Variants in SCLY observed in about 807,000 individuals in gnomAD.
SCLY encodes selenocysteine lyase.
SCLY carries 38 observed loss-of-function variants against 50.1 expected under a neutral mutation model. The ratio of observed to expected loss-of-function variants is 0.76; its 90% CI spans 0.59 to 0.99. SCLY has a LOEUF of 0.99. Among genes scored for constraint, SCLY ranks in the 50% least tolerant of loss-of-function variants. SCLY has a pLI of 0.00. For missense variants in SCLY, 600 were observed against 620.0 expected, an observed-to-expected ratio of 0.97 and a Z score of 0.34; for synonymous variants, 243 against 249.4, an observed-to-expected ratio of 0.97 and a Z score of 0.24.
chr2:238,074,043 A>T (rs2065150533), intron 4 of SCLY, among the ~76,000 whole-genome samples: 2 of 152,104 alleles, frequency 1.3e-5, no homozygotes, highest in Admixed American at 6.6e-5. Context: ...GGTGTCTCAC[A>T]TCTGTAATCC....
Position 238,083,381 on chromosome 2 carries a change from T to G in SCLY, c.884+27T>G. ...TAAGGCAGAAAGTTAACAAAGTCTC[T>G]GACCTACTGACCGTGTCATTTGTAG... On this transcript the variant is annotated intron_variant, in intron 7 of 11. Transcript: ENST00000254663. The surrounding 1 kb of genome is among the most constrained non-coding windows in gnomAD (Gnocchi z 4.3). 6.9e-7 allele frequency: 1 copy of G among 1,451,890 alleles called. No individual in the cohort carries two copies. The highest frequency in any genetic ancestry group is 9.7e-7 in the Non-Finnish European group (1 of 1,032,416). 89.9% of individuals were successfully genotyped at this position (1,451,890 alleles called of 1,614,324 possible).
At position 238,081,847 on chromosome 2, in the gene SCLY, C is replaced by G; in HGVS notation, c.612+11C>G. ...ACTGGCATTGTCATGGTGAGTCGGC[C>G]TTTGTTTCTCTTTAAGGAGAGCTCA... On this transcript the variant is annotated intron_variant, in intron 5 of 11. Transcript: ENST00000254663. 6.2e-7 allele frequency: 1 copy of G among 1,612,208 alleles called. No homozygotes were observed. The highest frequency in any genetic ancestry group is 8.5e-7 in the Non-Finnish European group (1 of 1,178,934).
At chr2:238,071,429 A>G (rs913879976) in intron 4 of SCLY, among the ~76,000 whole-genome samples, 1 of 152,008 alleles carries the variant, frequency 6.6e-6, no homozygotes, top group African/African-American at 2.4e-5. Context: ...CAACATAGCA[A>G]CCCCGTCTCT....
At chr2:238,063,454 C>T (rs1047206367) in intron 1 of SCLY, among the ~76,000 whole-genome samples, 5 of 152,126 alleles carry the variant, frequency 3.3e-5, no homozygotes, top group Admixed American at 6.5e-5. Context: ...AACTCCTAAC[C>T]TCAAGTGATC....
chr2:238,084,840 G>A (rs566750837), intron 7 of SCLY, among the ~76,000 whole-genome samples: 14 of 145,250 alleles, frequency 9.6e-5, no homozygotes, highest in East Asian at 2.0e-4. Flanking sequence ...GTTGCACTGA[G>A]TCGAGATCGC....
At position 238,083,232 on chromosome 2, in the gene SCLY, C is replaced by T. The variant is rs112288664; in HGVS notation, c.778-16C>T. On this transcript the variant is annotated splice_polypyrimidine_tract_variant and intron_variant, in intron 6 of 11. Coordinates refer to ENST00000254663, the MANE Select transcript of SCLY (RefSeq NM_016510.7). This position sits in a 1 kb window ranked among gnomAD's most constrained non-coding sequence, Gnocchi z 4.3. Reference sequence around the variant, plus strand: ...GGAAAGTTCTTGTTGAATAAATGACCAACTTTTCCTTCCAGTTTTATGGTC... The same window carrying T: ...GGAAAGTTCTTGTTGAATAAATGACTAACTTTTCCTTCCAGTTTTATGGTC... The T allele has an allele frequency of 1.3e-6, 2 of 1,581,614 alleles. No homozygotes were observed. The highest frequency in any genetic ancestry group is 1.7e-6 in the Non-Finnish European group (2 of 1,150,568).
chr2:238,094,060 G>C, intron 9 of SCLY, 116 bp downstream of exon 9: 1 of 913,954 alleles, frequency 1.1e-6, no homozygotes, highest in Non-Finnish European at 1.7e-6. Flanking sequence ...AGCGTAGCCT[G>C]GAACTCAGCA....
Position 238,083,296 on chromosome 2 carries a change from T to A in SCLY, c.826T>A (p.Phe276Ile). The change falls in exon 7 of 12, where the codon TTT becomes ATT. Residue 276 changes from phenylalanine (F) to isoleucine (I), a missense_variant. Physicochemically the swap from Phe to Ile is conservative, Grantham distance 21 (BLOSUM62 0). Transcript: ENST00000254663. The surrounding 1 kb of genome is among the most constrained non-coding windows in gnomAD (Gnocchi z 4.3). ...GALYIRGLGE[F>I]TPLYPMLFGG... ...ACTTTATATACGAGGACTTGGTGAA[T>A]TTACCCCTCTCTACCCTATGCTATT... is the stretch of plus-strand genomic sequence containing the variant. 6.2e-7 allele frequency: 1 copy of A among 1,614,002 alleles called. No individual in the cohort carries two copies. Among genetic ancestry groups the A allele is most frequent in the Non-Finnish European group, 8.5e-7 (1 of 1,179,872 alleles).
At chr2:238,098,071 TG>T in intron 11 of SCLY, 130 bp from the exon 12 acceptor site, 1 of 1,063,934 alleles carries the variant, frequency 9.4e-7, no homozygotes, top group Non-Finnish European at 1.3e-6. Context: ...TAGCAGGAGG[TG>T]GATGCCAGGC....
rs1553568628 is a variant in SCLY at position 238,098,626 on chromosome 2, C to CCCACATAGAACCGCCCACATAGAACCGT, written c.*277_*278insAGAACCGCCCACATAGAACCGTCCACAT. 1 of 323,638 alleles carries CCCACATAGAACCGCCCACATAGAACCGT rather than the reference C, an allele frequency of 3.1e-6. No homozygotes were observed. Among genetic ancestry groups the CCCACATAGAACCGCCCACATAGAACCGT allele is most frequent in the African/African-American group, 2.9e-5 (1 of 34,314 alleles). 20.0% of individuals were successfully genotyped at this position (323,638 alleles called of 1,614,324 possible). A position where few individuals can be genotyped will look rare whatever the true frequency, so the allele number is the denominator to read the frequency against. Reference sequence around the variant, plus strand: ...ACATAGGACCGCCCACATGGGACCGCCCACATGGGACCGCCCACATGGGAC... The same window carrying CCCACATAGAACCGCCCACATAGAACCGT: ...ACATAGGACCGCCCACATGGGACCGCCCACATAGAACCGCCCACATAGAACCGTCCACATGGGACCGCCCACATGGGAC... On this transcript the variant is annotated 3_prime_UTR_variant, in exon 12 of 12. Coordinates refer to ENST00000254663, the MANE Select transcript of SCLY (RefSeq NM_016510.7).
At chr2:238,075,124 G>A (rs1414105717) in intron 4 of SCLY, among the ~76,000 whole-genome samples, 1 of 152,062 alleles carries the variant, frequency 6.6e-6, no homozygotes, top group Non-Finnish European at 1.5e-5. Context: ...TCATGAAAGG[G>A]GTGTTGGATT....
At chr2:238,065,660 T>TTTATTTTTATTATTATTATTA (rs1553564088) in intron 2 of SCLY, among the ~76,000 whole-genome samples, 5 of 143,514 alleles carry the variant, frequency 3.5e-5, no homozygotes, top group African/African-American at 1.3e-4. Context: ...AATATTTTAT[T>TTTATTTTTATTATTATTATTA]TTATTATTAT....
rs1387039990 is a variant in SCLY, at chr2:238,098,672, C to CATGGGAACGCCCACATGGGACCGCCCA, written c.*317_*318insATGGGAACGCCCACATGGGACCGCCCA. 12 of 423,688 alleles carry CATGGGAACGCCCACATGGGACCGCCCA rather than the reference C, an allele frequency of 2.8e-5. No homozygotes were observed. Among genetic ancestry groups the CATGGGAACGCCCACATGGGACCGCCCA allele is most frequent in the Admixed American group, 8.2e-5 (2 of 24,472 alleles). 26.2% of individuals were successfully genotyped at this position (423,688 alleles called of 1,614,324 possible). ...GGGACCGCCCACATAGAACCGTCCT[C>CATGGGAACGCCCACATGGGACCGCCCA]CAGTGGTGAAGCGGAAACACTTAGC... On this transcript the variant is annotated 3_prime_UTR_variant, in exon 12 of 12. Transcript: ENST00000254663.
chr2:238,068,790 A>C (rs1385152956), intron 3 of SCLY, among the ~76,000 whole-genome samples: 1 of 152,210 alleles, frequency 6.6e-6, no homozygotes, highest in Non-Finnish European at 1.5e-5. Context: ...TGTAACAAAC[A>C]GTGCTGCACT....
intron 7 of SCLY, among the ~76,000 whole-genome samples, chr2:238,089,244 G>A (rs1171040805): frequency 6.6e-6 from 1 of 152,124 alleles, no homozygotes; most frequent in Non-Finnish European, 1.5e-5. Context: ...ATGTGGATGA[G>A]AAGAAGATCT....
At position 238,061,101 on chromosome 2, in the gene SCLY, C is replaced by G. The variant is rs920255355; in HGVS notation, c.47C>G (p.Ala16Gly). 32 of 1,405,114 alleles carry G rather than the reference C, an allele frequency of 2.3e-5. No individual in the cohort carries two copies. The highest frequency in any genetic ancestry group is 2.8e-5 in the Non-Finnish European group (31 of 1,088,946). The allele number at this position is 1,405,114 out of a possible 1,614,324, so 87.0% of individuals were successfully genotyped here. The change falls in exon 1 of 12, where the codon GCG becomes GGG. Residue 16 changes from alanine (A) to glycine (G), a missense_variant. Transcript: ENST00000254663. ...APGRDAPAPA[A>G]SQPSGCGKHN... ...GGGAGGGATGCGCCGGCACCCGCGG[C>G]GAGTCAGCCCAGCGGCTGCGGGAAA...
At position 238,064,472 on chromosome 2, in the gene SCLY, A is replaced by G. The variant is rs2106435035; in HGVS notation, c.202+3A>G. On this transcript the variant is annotated splice_donor_region_variant and intron_variant, in intron 2 of 11. Coordinates refer to ENST00000254663, the MANE Select transcript of SCLY (RefSeq NM_016510.7). The stretch of plus-strand genomic sequence containing the variant: ...TCCCAGCAGCCCGTATTCAGCAGGT[A>G]ATTCTAGAAGATGCACGTGTTCACT... The G allele has an allele frequency of 6.3e-7, 1 of 1,598,074 alleles. No individual in the cohort carries two copies. Among genetic ancestry groups the G allele is most frequent in the Non-Finnish European group, 8.5e-7 (1 of 1,171,892 alleles).
intron 7 of SCLY, among the ~76,000 whole-genome samples, chr2:238,089,283 T>C (rs565597007): frequency 1.3e-5 from 2 of 152,248 alleles, no homozygotes; most frequent in South Asian, 2.1e-4. Context: ...TGTTCATAGA[T>C]TGGAAGATTC....
chr2:238,078,099 A>T (rs975446101), intron 4 of SCLY, among the ~76,000 whole-genome samples: 9 of 151,934 alleles, frequency 5.9e-5, no homozygotes, highest in East Asian at 1.9e-4. Context: ...TACTACAGGC[A>T]CCTGCCACCA....
Sources: allele counts gnomAD v4.1 joint callset (sites outside exome capture counted in the v4.1 genomes callset), GRCh38; gene constraint gnomAD v4.1.1; non-coding constraint Gnocchi (gnomAD v3.1); transcripts MANE v1.5; gene names NCBI Gene and HGNC (gene_info 2026-07-23, HGNC 2026-07-21).